P2RY12: variants seen among roughly 807,000 people sequenced by gnomAD.
P2RY12 encodes the protein purinergic receptor P2Y12, also known as P2Y purinoceptor 12.
P2RY12 carries 3 observed loss-of-function variants against 4.5 expected under a neutral mutation model. The observed-to-expected ratio is 0.67, with a 90% CI of 0.31 to 1.74. The LOEUF (loss-of-function observed/expected upper bound fraction) is 1.74, where lower values mean the gene tolerates loss of function less well. P2RY12 is among the 40% of genes most tolerant of loss of function. P2RY12 has a pLI of 0.09. For synonymous variants in P2RY12, 148 were observed against 154.1 expected (o/e 0.96, Z 0.29); for missense variants, 356 against 407.8 (o/e 0.87, Z 1.09).
intron 1 of P2RY12, among the ~76,000 whole-genome samples, chr3:151,346,559 A>G (rs1752565424): frequency 6.6e-6 from 1 of 152,134 alleles, no homozygotes. Flanking sequence ...AGTCACATCC[A>G]TTGTGACTTC....
At chr3:151,381,469 G>T (rs1368246078) in intron 1 of P2RY12, among the ~76,000 whole-genome samples, 1 of 152,164 alleles carries the variant, frequency 6.6e-6, no homozygotes, top group Non-Finnish European at 1.5e-5. Flanking sequence ...TTTCCTCCAT[G>T]GTTGTTGCAC....
chr3:151,372,707 A>G lies in P2RY12; in HGVS notation c.-180+11985T>C. 3 of 1,613,980 alleles carry G rather than the reference A, an allele frequency of 1.9e-6. No homozygotes were observed. Among genetic ancestry groups the G allele is most frequent in the East Asian group, 2.2e-5 (1 of 44,858 alleles). On this transcript the variant is annotated intron_variant, in intron 1 of 2. Coordinates refer to ENST00000302632, the MANE Select transcript of P2RY12 (RefSeq NM_022788.5). ...AAAATCCTGTGGGAAAAGCATTTCC[A>G]TAGAAACTGCCAATTTAAGAGAATA...
intron 1 of P2RY12, among the ~76,000 whole-genome samples, chr3:151,383,596 G>C (rs1712789813): frequency 6.6e-6 from 1 of 152,194 alleles, no homozygotes. Flanking sequence ...TGACTGAACT[G>C]TGCTGAAAGA....
chr3:151,341,248 G>A (rs904041263), intron 1 of P2RY12, among the ~76,000 whole-genome samples: 1 of 152,018 alleles, frequency 6.6e-6, no homozygotes, highest in African/African-American at 2.4e-5. Flanking sequence ...TTTTAAACCT[G>A]TGTTTGATTA....
chr3:151,342,655 TCACTTCAGA>T (rs1752016152), intron 1 of P2RY12, among the ~76,000 whole-genome samples: 1 of 152,180 alleles, frequency 6.6e-6, no homozygotes, highest in South Asian at 2.1e-4. Context: ...TTAATATCAG[TCACTTCAGA>T]CACATAATAA....
intron 1 of P2RY12, among the ~76,000 whole-genome samples, chr3:151,347,009 T>G (rs971331233): frequency 6.6e-6 from 1 of 152,208 alleles, no homozygotes; most frequent in Non-Finnish European, 1.5e-5. Context: ...TAATTTTAAC[T>G]AGTGGATACA....
intron 1 of P2RY12, among the ~76,000 whole-genome samples, chr3:151,368,693 TCA>T (rs1282165890): frequency 0.024 from 1,033 of 42,288 alleles, 9 homozygotes; most frequent in South Asian, 0.07. Flanking sequence ...TCATTTTATT[TCA>T]TTTCATTTCA....
chr3:151,376,787 C>G, intron 1 of P2RY12: 5 of 1,609,866 alleles, frequency 3.1e-6, no homozygotes, highest in South Asian at 2.2e-5. Flanking sequence ...TTAATTCTTT[C>G]CATTTTTCCC....
rs542531595 is a variant in P2RY12, at chr3:151,337,757, C to T, written c.*60G>A. On this transcript the variant is annotated 3_prime_UTR_variant, in exon 3 of 3. Coordinates refer to ENST00000302632, the MANE Select transcript of P2RY12 (RefSeq NM_022788.5). ...TTCGTCAGTTAATATTTTTACTTAG[C>T]GCTTTGCTTTAACGAGTTCTGAACA... 3.9e-5 allele frequency: 59 copies of T among 1,521,040 alleles called. No homozygotes were observed. In the East Asian group the frequency reaches 7.9e-4, roughly 20 times the overall value. 94.2% of individuals were successfully genotyped at this position (1,521,040 alleles called of 1,614,324 possible). A position where few individuals can be genotyped will look rare whatever the true frequency, so the allele number is the denominator to read the frequency against.
At chr3:151,359,458 T>G (rs1300199702) in intron 1 of P2RY12, among the ~76,000 whole-genome samples, 2 of 152,140 alleles carry the variant, frequency 1.3e-5, no homozygotes, top group Non-Finnish European at 2.9e-5. Context: ...GTCTCCTTGG[T>G]TCCACCTATG....
chr3:151,348,226 C>T (rs1752765801), intron 1 of P2RY12, among the ~76,000 whole-genome samples: 1 of 151,186 alleles, frequency 6.6e-6, no homozygotes, highest in South Asian at 2.1e-4. Flanking sequence ...TCTGATATGC[C>T]TTAACTGAAA....
chr3:151,337,922 G>A lies in P2RY12; in HGVS notation c.924C>T (p.Ser308=). The change falls in exon 3 of 3, where the codon TCC becomes TCT. Residue 308 remains serine, a synonymous_variant. Coordinates refer to ENST00000302632, the MANE Select transcript of P2RY12 (RefSeq NM_022788.5). ...YFFLCKSFRN[S]LISMLKCPNS... The stretch of plus-strand genomic sequence containing the variant: ...TGGGGCACTTCAGCATACTTATCAA[G>A]GAATTTCTGAAGGACTTGCAAAGGA... 1 of 1,614,074 alleles carries A rather than the reference G, an allele frequency of 6.2e-7. No homozygotes were observed. Among genetic ancestry groups the A allele is most frequent in the Non-Finnish European group, 8.5e-7 (1 of 1,179,980 alleles).
At chr3:151,367,522 C>A (rs1163797350) in intron 1 of P2RY12, 5 of 777,590 alleles carry the variant, frequency 6.4e-6, no homozygotes, top group Middle Eastern at 3.5e-4. Flanking sequence ...TTATCATTTC[C>A]CTCTGCTGGT....
intron 1 of P2RY12, chr3:151,372,468 A>G (rs1358116178): frequency 1.2e-6 from 1 of 827,508 alleles, no homozygotes; most frequent in Non-Finnish European, 2.0e-6. Context: ...AATACTGTTC[A>G]TATATTTTAA....
intron 1 of P2RY12, among the ~76,000 whole-genome samples, chr3:151,375,490 C>T (rs1169882646): frequency 6.6e-6 from 1 of 152,106 alleles, no homozygotes; most frequent in Non-Finnish European, 1.5e-5. Flanking sequence ...CCAGCAATTG[C>T]ACTTCTATGA....
chr3:151,368,499 C>T (rs1453300305), intron 1 of P2RY12, among the ~76,000 whole-genome samples: 2 of 152,022 alleles, frequency 1.3e-5, no homozygotes, highest in African/African-American at 4.8e-5. Context: ...TGCTCTTAGG[C>T]CAAGCCATGC....
At chr3:151,348,573 CTTT>C (rs542135245) in intron 1 of P2RY12, among the ~76,000 whole-genome samples, 5 of 132,378 alleles carry the variant, frequency 3.8e-5, no homozygotes, top group Admixed American at 7.6e-5. Flanking sequence ...CTCCTAGCTT[CTTT>C]TTTTTTTTTT....
chr3:151,367,881 T>C, intron 1 of P2RY12: 1 of 1,211,092 alleles, frequency 8.3e-7, no homozygotes, highest in Non-Finnish European at 1.2e-6. Context: ...TGGGAAGTGG[T>C]GTAGTATCAA....
chr3:151,384,321 A>G (rs1228942765), intron 1 of P2RY12: 2 of 1,195,464 alleles, frequency 1.7e-6, no homozygotes, highest in Admixed American at 2.7e-5. Context: ...ATTGTATTCA[A>G]CTTAATTTAA....
Sources: allele counts gnomAD v4.1 joint callset (sites outside exome capture counted in the v4.1 genomes callset), GRCh38; gene constraint gnomAD v4.1.1; transcripts MANE v1.5; gene names NCBI Gene and HGNC (gene_info 2026-07-23, HGNC 2026-07-21).